The following HCN1 variants were observed in gnomAD, a reference collection of about 807,000 sequenced individuals.
HCN1 encodes potassium/sodium hyperpolarization-activated cyclic nucleotide-gated channel 1.
In HCN1, 13 loss-of-function variants were observed where a neutral mutation model predicts 78.9. The ratio of observed to expected loss-of-function variants is 0.16; its 90% confidence interval spans 0.11 to 0.26. The LOEUF is 0.26. Among genes scored for constraint, HCN1 ranks in the 10% least tolerant of loss-of-function variants. HCN1 has a pLI of 1.00. For synonymous variants in HCN1, 552 were observed against 455.5 expected (o/e 1.21, Z -2.70); for missense variants, 810 against 1,154.3 (o/e 0.70, Z 4.32).
chr5:45,372,975 T>A (rs1247078985), intron 4 of HCN1, among the ~76,000 whole-genome samples: 13 of 138,444 alleles, frequency 9.4e-5, no homozygotes, highest in Non-Finnish European at 2.0e-4. Context: ...AGATATAAAA[T>A]AAATAAAAAA....
chr5:45,416,257 C>T (rs2112061747), intron 3 of HCN1, among the ~76,000 whole-genome samples: 1 of 151,888 alleles, frequency 6.6e-6, no homozygotes, highest in East Asian at 1.9e-4. Flanking sequence ...AGTTTTCATA[C>T]GTTCATATAT....
Position 45,255,166 on chromosome 5 carries a change from TAGAC to T in HCN1, c.*6751_*6754del, listed in dbSNP as rs556416031. The stretch of plus-strand genomic sequence containing the variant: ...GCAAGTGCCAGGAGGCAGGCTGGGT[TAGAC>T]AGCGTGACCAAGAGTAAACTTTGGA... On this transcript the variant is annotated 3_prime_UTR_variant, in exon 8 of 8. Transcript: ENST00000303230. 1 of 152,228 alleles carries T rather than the reference TAGAC, an allele frequency of 6.6e-6. No homozygotes were observed. Among genetic ancestry groups the T allele is most frequent in the African/African-American group, 2.4e-5 (1 of 41,454 alleles). The allele number at this position is 152,228 out of a possible 1,614,324, so 9.4% of individuals were successfully genotyped here.
At chr5:45,477,547 A>T (rs1741545547) in intron 2 of HCN1, among the ~76,000 whole-genome samples, 1 of 152,174 alleles carries the variant, frequency 6.6e-6, no homozygotes, top group Admixed American at 6.6e-5. Context: ...ATGTGTTTGT[A>T]AAGATAACAT....
At chr5:45,474,622 T>C (rs939912803) in intron 2 of HCN1, among the ~76,000 whole-genome samples, 3 of 151,942 alleles carry the variant, frequency 2.0e-5, no homozygotes, top group African/African-American at 7.2e-5. Context: ...CAGTTTAACA[T>C]ATAAGACTCT....
chr5:45,546,813 A>C (rs2111843712), intron 2 of HCN1, among the ~76,000 whole-genome samples: 1 of 152,004 alleles, frequency 6.6e-6, no homozygotes, highest in Non-Finnish European at 1.5e-5. Context: ...ATTTAAAATG[A>C]TCTTGTAACA....
intron 6 of HCN1, among the ~76,000 whole-genome samples, chr5:45,273,863 G>C (rs1214409873): frequency 1.3e-5 from 2 of 152,014 alleles, no homozygotes; most frequent in Non-Finnish European, 2.9e-5. Flanking sequence ...CACTGCCTCT[G>C]TATGGCACAG....
At chr5:45,273,845 T>C (rs1421294902) in intron 6 of HCN1, among the ~76,000 whole-genome samples, 1 of 152,140 alleles carries the variant, frequency 6.6e-6, no homozygotes, top group Non-Finnish European at 1.5e-5. Context: ...ATTAGTGAAC[T>C]AGTAAAACAC....
At chr5:45,618,590 C>G (rs1331325136) in intron 2 of HCN1, among the ~76,000 whole-genome samples, 1 of 152,068 alleles carries the variant, frequency 6.6e-6, no homozygotes, top group Non-Finnish European at 1.5e-5. Context: ...ACGTGTAATT[C>G]ACCCAATGTA....
Position 45,612,530 on chromosome 5 carries a change from G to A in HCN1, c.849+32655C>T, listed in dbSNP as rs149552938. On this transcript the variant is annotated intron_variant, in intron 2 of 7. Coordinates refer to ENST00000303230, the MANE Select transcript of HCN1 (RefSeq NM_021072.4). ...TTTTTTATGCAATCCCAAATATTAT[G>A]AAGTGATACCATTAAATATTGGTTT... Among the ~76,000 whole-genome samples, 489 of 152,204 alleles carry A rather than the reference G, an allele frequency of 3.2e-3. 1 individual carries two copies. The highest frequency in any genetic ancestry group is 4.9e-3 in the Non-Finnish European group (331 of 68,004).
chr5:45,364,220 C>T (rs1430296799), intron 4 of HCN1, among the ~76,000 whole-genome samples: 1 of 152,074 alleles, frequency 6.6e-6, no homozygotes, highest in Non-Finnish European at 1.5e-5. Context: ...CTTTTCTTTT[C>T]ACCTTACGTA....
chr5:45,659,525 A>C (rs1745872471), intron 1 of HCN1, among the ~76,000 whole-genome samples: 3 of 134,366 alleles, frequency 2.2e-5, no homozygotes, highest in Non-Finnish European at 3.1e-5. Context: ...GAGGACATTC[A>C]AACCAAAGGC....
At chr5:45,413,003 G>A (rs906486025) in intron 3 of HCN1, among the ~76,000 whole-genome samples, 3 of 152,008 alleles carry the variant, frequency 2.0e-5, no homozygotes, top group East Asian at 1.9e-4. Context: ...TATTGAAAAT[G>A]CAGTGTCTGG....
chr5:45,298,813 G>T (rs1221630842), intron 6 of HCN1, among the ~76,000 whole-genome samples: 1 of 151,912 alleles, frequency 6.6e-6, no homozygotes, highest in Non-Finnish European at 1.5e-5. Context: ...TGGAATGGGA[G>T]GGAAAGAAAA....
intron 3 of HCN1, among the ~76,000 whole-genome samples, chr5:45,456,709 T>C (rs2111613050): frequency 6.6e-6 from 1 of 152,128 alleles, no homozygotes; most frequent in African/African-American, 2.4e-5. Flanking sequence ...ACCAAGTAGG[T>C]GCATAAAATG....
rs571706502 is a variant in HCN1 at position 45,455,760 on chromosome 5, C to CAA, written c.1011+6084_1011+6085dup. The stretch of plus-strand genomic sequence containing the variant: ...CAAATTAAGACATGCTTCTGGAACT[C>CAA]AAAAAAAAAAAAAAAAAAAAAAGGG... On this transcript the variant is annotated intron_variant, in intron 3 of 7. Transcript: ENST00000303230. 3.2e-3 allele frequency among the ~76,000 whole-genome samples: 191 copies of CAA among 59,460 alleles called. 1 individual carries two copies. The highest frequency in any genetic ancestry group is 5.1e-3 in the African/African-American group (111 of 21,868). 39.0% of individuals were successfully genotyped at this position (59,460 alleles called of 152,430 possible). A position where few individuals can be genotyped will look rare whatever the true frequency, so the allele number is the denominator to read the frequency against.
chr5:45,267,010 C>A, intron 7 of HCN1, 79 bp downstream of exon 7: 1 of 1,215,372 alleles, frequency 8.2e-7, no homozygotes, highest in Non-Finnish European at 1.2e-6. Flanking sequence ...CTCCCCACTG[C>A]ATTTGGGACT....
chr5:45,323,601 C>A (rs1215816085), intron 5 of HCN1, among the ~76,000 whole-genome samples: 3 of 151,702 alleles, frequency 2.0e-5, no homozygotes, highest in African/African-American at 4.8e-5. Flanking sequence ...TTTTACAGTA[C>A]ATATGCACAA....
chr5:45,441,057 C>T (rs976328859), intron 3 of HCN1, among the ~76,000 whole-genome samples: 1 of 152,040 alleles, frequency 6.6e-6, no homozygotes, highest in Non-Finnish European at 1.5e-5. Context: ...CCTTCATTTC[C>T]TTGAGTTTTC....
At chr5:45,640,542 T>C (rs912717829) in intron 2 of HCN1, among the ~76,000 whole-genome samples, 3 of 152,022 alleles carry the variant, frequency 2.0e-5, no homozygotes, top group Non-Finnish European at 4.4e-5. Flanking sequence ...TGTGTCAATG[T>C]AGAATACCTT....
Sources: gnomAD v4.1 joint callset for allele counts (sites outside exome capture counted in the v4.1 genomes callset) on GRCh38, gnomAD v4.1.1 for gene constraint, MANE v1.5 for transcripts, NCBI Gene and HGNC (gene_info 2026-07-23, HGNC 2026-07-21) for gene names.